The following RGL4 variants were observed in gnomAD, a reference collection of about 807,000 sequenced individuals.
RGL4 encodes the protein ral-GDS-related protein.
In RGL4, 41 loss-of-function variants were observed where a neutral mutation model predicts 49.6. The ratio of observed to expected loss-of-function variants is 0.83; its 90% CI spans 0.64 to 1.07. The LOEUF is 1.07. RGL4 is among the 50% of genes least tolerant of loss of function. RGL4 has a pLI of 0.00. For missense variants in RGL4, 610 were observed against 591.9 expected, an observed-to-expected ratio of 1.03 and a Z score of -0.32; for synonymous variants, 255 against 238.0, an observed-to-expected ratio of 1.07 and a Z score of -0.66.
chr22:23,695,013 G>A lies in RGL4; in HGVS notation c.1080G>A (p.Leu360=), dbSNP rs377009394. The A allele has an allele frequency of 6.2e-7, 1 of 1,610,890 alleles. No individual in the cohort carries two copies. Among genetic ancestry groups the A allele is most frequent in the Non-Finnish European group, 8.5e-7 (1 of 1,177,338 alleles). ...KKDTAVKRDL[L]IKAGSFKVAT... ...ACACTGCAGTGAAGAGGGACCTACT[G>A]ATCAAGGTACAGTGGAGTCTGGGAG... Residue 360 remains leucine, a synonymous_variant, in exon 6 of 11, where the codon CTG becomes CTA. Coordinates refer to ENST00000290691, the MANE Select transcript of RGL4 (RefSeq NM_153615.2).
chr22:23,694,407 AACCCAATAGGTCAGCT>A lies in RGL4; in HGVS notation c.976_991del (p.Pro326ThrfsTer12). The A allele has an allele frequency of 6.2e-7, 1 of 1,614,042 alleles. No homozygotes were observed. The highest frequency in any genetic ancestry group is 8.5e-7 in the Non-Finnish European group (1 of 1,179,932). On this transcript the variant is annotated frameshift_variant, in exon 5 of 11. Transcript: ENST00000290691. LOFTEE classifies it high-confidence loss of function. ...CGTCATCGTCTCTGCTCTGTGCAGC[AACCCAATAGGTCAGCT>A]ACACAAGACGTGGGCAGGAGTGTCC...
At chr22:23,696,285 A>G (rs990941439) in intron 6 of RGL4, 3 of 1,250,236 alleles carry the variant, frequency 2.4e-6, no homozygotes, top group Non-Finnish European at 3.1e-6. Flanking sequence ...AAGTTCAAGA[A>G]AAGAAAGCAA....
chr22:23,694,702 T>C (rs780209181), intron 5 of RGL4: 1 of 593,542 alleles, frequency 1.7e-6, no homozygotes, highest in Non-Finnish European at 3.0e-6. Context: ...TACCCAGCAG[T>C]GGAACTCTGT....
chr22:23,698,471 G>A (rs1923669572), intron 10 of RGL4, 138 bp downstream of exon 10: 3 of 1,041,730 alleles, frequency 2.9e-6, no homozygotes, highest in Middle Eastern at 4.0e-4. Context: ...CTGGGCTCAA[G>A]TCCTTCCTCA....
intron 3 of RGL4, among the ~76,000 whole-genome samples, chr22:23,693,396 A>C (rs1923267301): frequency 6.6e-6 from 1 of 152,190 alleles, no homozygotes; most frequent in African/African-American, 2.4e-5. Context: ...TGCCACAAGG[A>C]AAGTGCACCG....
Position 23,691,802 on chromosome 22 carries a change from C to T in RGL4, c.-229C>T, listed in dbSNP as rs575456259. The T allele has an allele frequency of 5.3e-5, 26 of 491,530 alleles. No homozygotes were observed. Among genetic ancestry groups the T allele is most frequent in the Non-Finnish European group, 7.0e-5 (19 of 272,532 alleles). The allele number at this position is 491,530 out of a possible 1,614,324, so 30.4% of individuals were successfully genotyped here. A position where few individuals can be genotyped will look rare whatever the true frequency, so the allele number is the denominator to read the frequency against. ...GGGCTCATACTTCTTATAATTCCCA[C>T]GAGAAGGCTGACATCTGGGGACTTC... On this transcript the variant is annotated 5_prime_UTR_variant, in exon 1 of 11. The change creates a new upstream start codon in the 5' untranslated region. Transcript: ENST00000290691.
At chr22:23,693,075 G>C (rs1002750416) in intron 3 of RGL4, 84 bp downstream of exon 3, 2 of 1,475,162 alleles carry the variant, frequency 1.4e-6, no homozygotes, top group Non-Finnish European at 8.9e-7. Flanking sequence ...CAATGCCCTC[G>C]GTCCAATTTC....
chr22:23,694,484 T>C (rs1366690404), intron 5 of RGL4, 34 bp downstream of exon 5: 1 of 1,465,722 alleles, frequency 6.8e-7, no homozygotes, highest in South Asian at 1.1e-5. Flanking sequence ...AGCATCAGGG[T>C]TGACCTAGGG....
intron 3 of RGL4, 114 bp downstream of exon 3, chr22:23,693,105 C>A: frequency 7.0e-7 from 1 of 1,438,730 alleles, no homozygotes; most frequent in South Asian, 1.5e-5. Context: ...TCTTACCAAC[C>A]GTGGGATCTG....
chr22:23,698,423 G>A (rs1200388201), intron 10 of RGL4, 90 bp downstream of exon 10: 4 of 1,440,980 alleles, frequency 2.8e-6, no homozygotes, highest in East Asian at 2.3e-5. Flanking sequence ...AGGCTGCACT[G>A]CAGTGTCACC....
rs1923571162 is a variant in RGL4 at position 23,697,262 on chromosome 22, C to A, written c.1236+17C>A. 3 of 1,605,262 alleles carry A rather than the reference C, an allele frequency of 1.9e-6. No individual in the cohort carries two copies. Among genetic ancestry groups the A allele is most frequent in the Non-Finnish European group, 2.6e-6 (3 of 1,172,634 alleles). On this transcript the variant is annotated intron_variant, in intron 8 of 10. Coordinates refer to ENST00000290691, the MANE Select transcript of RGL4 (RefSeq NM_153615.2). ...GACCTGGATGTGAGTGAGCCTGGGG[C>A]AGGGTGCTTGGGAACCAAGATCCTG...
At chr22:23,697,466 A>G (rs757957975) in intron 8 of RGL4, among the ~76,000 whole-genome samples, 1 of 152,220 alleles carries the variant, frequency 6.6e-6, no homozygotes, top group African/African-American at 2.4e-5. Context: ...GTGAAGCTGC[A>G]GAGCTGCCTG....
intron 6 of RGL4, chr22:23,695,468 GC>G: frequency 3.3e-6 from 2 of 608,450 alleles, no homozygotes; most frequent in Non-Finnish European, 2.7e-6. Flanking sequence ...TGCTGCTGCT[GC>G]TGCTGCTGTC....
rs753167992 is a variant in RGL4 at position 23,696,666 on chromosome 22, T to G, written c.1139T>G (p.Met380Arg). 5.0e-6 allele frequency: 8 copies of G among 1,613,318 alleles called. No individual in the cohort carries two copies. The highest frequency in any genetic ancestry group is 6.8e-6 in the Non-Finnish European group (8 of 1,179,768). Residue 380 changes from methionine (M) to arginine (R), a missense_variant, in exon 7 of 11, where the codon ATG becomes AGG. Physicochemically the swap from Met to Arg is moderately conservative, Grantham distance 91. Transcript: ENST00000290691. ...GAGAGGAACCCCCAGAGAGTCCAGA[T>G]GAGGCTGCGGAGGCAGAAGAAGGTG... ...TQERNPQRVQ[M>R]RLRRQKKGVV... is the part of the protein sequence containing the mutation.
chr22:23,692,330 A>C lies in RGL4; in HGVS notation c.180-5A>C. On this transcript the variant is annotated splice_polypyrimidine_tract_variant and splice_region_variant and intron_variant, in intron 1 of 10. Coordinates refer to ENST00000290691, the MANE Select transcript of RGL4 (RefSeq NM_153615.2). ...CTCTGACTCAGCTGTCTACTCCATC[A>C]CCAGCACCATCACCTCCATTTTGTT... 1 of 1,613,882 alleles carries C rather than the reference A, an allele frequency of 6.2e-7. No homozygotes were observed. Among genetic ancestry groups the C allele is most frequent in the South Asian group, 1.1e-5 (1 of 91,058 alleles).
rs116469260 is a variant in RGL4, at chr22:23,692,694, C to A, written c.399C>A (p.His133Gln). The change falls in exon 3 of 11, where the codon CAC (histidine) becomes CAA (glutamine). Residue 133 changes from histidine (H) to glutamine (Q), a missense_variant. Physicochemically the swap from His to Gln is conservative, Grantham distance 24. Coordinates refer to ENST00000290691, the MANE Select transcript of RGL4 (RefSeq NM_153615.2). Reference protein sequence around the residue: ...PDDPAPRPGQHALTMPALEPA... With the variant: ...PDDPAPRPGQQALTMPALEPA... ...ATCCTGCTCCACGTCCTGGGCAACA[C>A]GCATTAACAATGCCGGCCCTGGAGC... is the stretch of plus-strand genomic sequence containing the variant. 1 of 1,609,842 alleles carries A rather than the reference C, an allele frequency of 6.2e-7. No individual in the cohort carries two copies. The highest frequency in any genetic ancestry group is 1.3e-5 in the African/African-American group (1 of 75,010).
chr22:23,697,474 C>T (rs1011878824), intron 8 of RGL4, among the ~76,000 whole-genome samples: 2 of 152,204 alleles, frequency 1.3e-5, no homozygotes, highest in Admixed American at 1.3e-4. Flanking sequence ...GCAGAGCTGC[C>T]TGACTGCAAA....
intron 8 of RGL4, 54 bp downstream of exon 8, chr22:23,697,299 G>A: frequency 6.9e-7 from 1 of 1,448,728 alleles, no homozygotes; most frequent in Non-Finnish European, 9.7e-7. Context: ...AGCTTGGGAG[G>A]AGAGGGTCCT....
At chr22:23,695,327 T>C in intron 6 of RGL4, 1 of 451,544 alleles carries the variant, frequency 2.2e-6, no homozygotes, top group Non-Finnish European at 4.3e-6. Flanking sequence ...CTGGCTCCCA[T>C]GCTGGTCCAT....
Sources: gnomAD v4.1 joint callset for allele counts (sites outside exome capture counted in the v4.1 genomes callset) on GRCh38, gnomAD v4.1.1 for gene constraint, MANE v1.5 for transcripts, NCBI Gene and HGNC (gene_info 2026-07-23, HGNC 2026-07-21) for gene names.